The following IL1RAPL2 variants were observed in gnomAD, a reference collection of about 807,000 sequenced individuals.
IL1RAPL2 encodes the protein X-linked interleukin-1 receptor accessory protein-like 2.
IL1RAPL2 carries 3 observed loss-of-function variants against 44.1 expected under a neutral mutation model. That is an observed-to-expected ratio of 0.07 (90% CI 0.03 to 0.18). IL1RAPL2 has a LOEUF of 0.18. Ranked by LOEUF, IL1RAPL2 falls within the 10% of genes least tolerant of loss-of-function variation. IL1RAPL2 has a pLI of 1.00. For missense variants in IL1RAPL2, 391 were observed against 496.4 expected (o/e 0.79, Z 2.02); for synonymous variants, 181 against 178.8 (o/e 1.01, Z -0.10).
At chrX:105,417,399 G>C (rs185070877) in intron 5 of IL1RAPL2, among the ~76,000 whole-genome samples, 120 of 112,465 alleles carry the variant, frequency 1.1e-3, no homozygotes, top group African/African-American at 3.7e-3. Context: ...CTTCAACTAG[G>C]GAGGCAGAGG....
chrX:104,841,707 A>G (rs1339402985), intron 2 of IL1RAPL2, among the ~76,000 whole-genome samples: 2 of 111,449 alleles, frequency 1.8e-5, no homozygotes, highest in African/African-American at 6.5e-5. Context: ...AAGTATGTTG[A>G]ATATTGTCCC....
chrX:104,754,122 C>G (rs1392737868), intron 2 of IL1RAPL2, among the ~76,000 whole-genome samples: 2 of 111,463 alleles, frequency 1.8e-5, no homozygotes, highest in Non-Finnish European at 3.8e-5. Context: ...AAATTTCTGT[C>G]CTTTTTGCCA....
chrX:105,206,020 G>A (rs1413875377), intron 3 of IL1RAPL2, among the ~76,000 whole-genome samples: 1 of 110,568 alleles, frequency 9.0e-6, no homozygotes, highest in Non-Finnish European at 1.9e-5. Context: ...CTGATAGGAC[G>A]TACTGATGTC....
chrX:105,143,642 A>C (rs891237243), intron 2 of IL1RAPL2, among the ~76,000 whole-genome samples: 5 of 112,420 alleles, frequency 4.4e-5, no homozygotes, highest in Non-Finnish European at 9.4e-5. Flanking sequence ...AGACACATGC[A>C]CACGTATGTT....
Position 105,302,566 on chromosome X carries a change from C to T in IL1RAPL2, c.697+35025C>T, listed in dbSNP as rs748502047. On this transcript the variant is annotated intron_variant, in intron 5 of 10. Transcript: ENST00000372582. ...GTGTGCTAGGGCATGGAATGGGGGC[C>T]TCAGGACTCTGCCTGGTACCCTGTT... 9.8e-5 allele frequency among the ~76,000 whole-genome samples: 11 copies of T among 111,878 alleles called. No individual in the cohort carries two copies. In the East Asian group the frequency reaches 3.1e-3, roughly 32 times the overall value.
intron 6 of IL1RAPL2, among the ~76,000 whole-genome samples, chrX:105,633,208 A>T (rs990460852): frequency 9.0e-6 from 1 of 111,721 alleles, no homozygotes; most frequent in Non-Finnish European, 1.9e-5. Flanking sequence ...AGATCAAGAG[A>T]TCTTTTAGAT....
chrX:105,326,372 T>C (rs2034938605), intron 5 of IL1RAPL2, among the ~76,000 whole-genome samples: 1 of 111,619 alleles, frequency 9.0e-6, no homozygotes, highest in African/African-American at 3.3e-5. Flanking sequence ...TCTTTTTTTT[T>C]AATGGTAACT....
chrX:105,342,315 T>C (rs1260236247), intron 5 of IL1RAPL2, among the ~76,000 whole-genome samples: 1 of 111,365 alleles, frequency 9.0e-6, no homozygotes, highest in Non-Finnish European at 1.9e-5. Flanking sequence ...ATAATAATAA[T>C]AAAAGAAAAG....
chrX:105,472,426 G>C (rs1015313769), intron 5 of IL1RAPL2, among the ~76,000 whole-genome samples: 2 of 111,525 alleles, frequency 1.8e-5, no homozygotes, highest in African/African-American at 3.3e-5. Context: ...ATCCTACTTT[G>C]AAAAATTCCC....
intron 2 of IL1RAPL2, among the ~76,000 whole-genome samples, chrX:104,968,653 C>A (rs1159271989): frequency 3.6e-5 from 4 of 110,954 alleles, no homozygotes; most frequent in Non-Finnish European, 7.6e-5. Context: ...ATCTATAAAG[C>A]CTTAGAGTTA....
At chrX:105,251,930 T>C (rs1603032872) in intron 4 of IL1RAPL2, among the ~76,000 whole-genome samples, 1 of 111,151 alleles carries the variant, frequency 9.0e-6, no homozygotes, top group Non-Finnish European at 1.9e-5. Flanking sequence ...CTGAGGTTTT[T>C]TTAAAGGTCA....
intron 2 of IL1RAPL2, among the ~76,000 whole-genome samples, chrX:104,796,994 C>G (rs764047580): frequency 1.8e-5 from 2 of 110,993 alleles, no homozygotes; most frequent in East Asian, 5.7e-4. Context: ...TGGTCTTGAA[C>G]TCCTGACCTC....
At chrX:104,743,392 C>T (rs1932126579) in intron 2 of IL1RAPL2, among the ~76,000 whole-genome samples, 2 of 108,794 alleles carry the variant, frequency 1.8e-5, no homozygotes, top group Non-Finnish European at 3.8e-5. Flanking sequence ...TTTTAAAGAC[C>T]ACTTTTTTCA....
intron 10 of IL1RAPL2, 72 bp downstream of exon 10, chrX:105,755,419 C>A: frequency 1.3e-6 from 1 of 784,177 alleles, no homozygotes; most frequent in Non-Finnish European, 1.8e-6. Context: ...CTTCAAACAT[C>A]AGAGCCAAGT....
intron 2 of IL1RAPL2, among the ~76,000 whole-genome samples, chrX:105,107,899 C>CT (rs1013247354): frequency 3.6e-5 from 4 of 111,440 alleles, no homozygotes; most frequent in African/African-American, 1.3e-4. Flanking sequence ...GTTGGCCACT[C>CT]TGTCTTCCTT....
intron 2 of IL1RAPL2, among the ~76,000 whole-genome samples, chrX:104,942,506 T>G (rs1008664579): frequency 9.0e-6 from 1 of 111,189 alleles, no homozygotes; most frequent in Non-Finnish European, 1.9e-5. Context: ...CTGTCTGTTA[T>G]TGGTGTATAG....
intron 2 of IL1RAPL2, among the ~76,000 whole-genome samples, chrX:105,193,093 A>G (rs2033645918): frequency 8.9e-6 from 1 of 112,127 alleles, no homozygotes. Flanking sequence ...ATGTCCCATC[A>G]CAAATAGGCC....
At chrX:105,647,482 C>T (rs1249320195) in intron 6 of IL1RAPL2, among the ~76,000 whole-genome samples, 1 of 111,523 alleles carries the variant, frequency 9.0e-6, no homozygotes, top group Non-Finnish European at 1.9e-5. Flanking sequence ...CTGCTTTTAG[C>T]CTAATTGGTA....
intron 1 of IL1RAPL2, among the ~76,000 whole-genome samples, chrX:104,581,311 G>C (rs1928340624): frequency 8.9e-6 from 1 of 111,960 alleles, no homozygotes; most frequent in Non-Finnish European, 1.9e-5. Flanking sequence ...CTGTTGTATT[G>C]TGTGGGTCTC....
Sources: gnomAD v4.1 joint callset for allele counts (sites outside exome capture counted in the v4.1 genomes callset) on GRCh38, gnomAD v4.1.1 for gene constraint, MANE v1.5 for transcripts, NCBI Gene and HGNC (gene_info 2026-07-23, HGNC 2026-07-21) for gene names.